Variants in EML1 observed in about 807,000 individuals in gnomAD.
The protein encoded by EML1 is echinoderm microtubule-associated protein-like 1.
Under a neutral mutation model 110.4 loss-of-function variants are expected in EML1, and 27 were observed. The ratio of observed to expected loss-of-function variants is 0.24; its 90% CI spans 0.18 to 0.34. The LOEUF (loss-of-function observed/expected upper bound fraction) is 0.34. Ranked by LOEUF, EML1 falls within the 10% of genes least tolerant of loss-of-function variation. The probability of loss-of-function intolerance (pLI) is 1.00; values close to 1 mark genes in which losing one functional copy is unlikely to be tolerated. For missense variants in EML1, 741 were observed against 1,030.9 expected (o/e 0.72, Z 3.85); for synonymous variants, 344 against 385.8 (o/e 0.89, Z 1.27).
At chr14:99,881,723 C>T (rs2059387524) in intron 4 of EML1, among the ~76,000 whole-genome samples, 1 of 151,866 alleles carries the variant, frequency 6.6e-6, no homozygotes, top group Non-Finnish European at 1.5e-5. Flanking sequence ...GCCTCAGCCT[C>T]CCGAGAAGCT....
At chr14:99,824,747 A>C (rs552324428) in intron 1 of EML1, among the ~76,000 whole-genome samples, 2 of 151,956 alleles carry the variant, frequency 1.3e-5, no homozygotes, top group Non-Finnish European at 2.9e-5. Flanking sequence ...AGTGAGCACA[A>C]TAGGCGATTT....
Position 99,787,541 on chromosome 14 carries a change from A to C in EML1, c.-27+13528A>C, listed in dbSNP as rs550086444. 2.0e-5 allele frequency among the ~76,000 whole-genome samples: 3 copies of C among 152,088 alleles called. No homozygotes were observed. The South Asian group carries it at 6.2e-4, about 32-fold the overall frequency. ...TGATCTGCCTGGCTTGGCCTCCCAA[A>C]GTGCTGGTATTCCAGGCGTGAGCCA... On this transcript the variant is annotated intron_variant, in intron 1 of 22. Coordinates refer to the EML1 transcript ENST00000327921.
Position 99,907,625 on chromosome 14 carries a change from A to G in EML1, c.1009-13A>G. On this transcript the variant is annotated splice_polypyrimidine_tract_variant and intron_variant, in intron 9 of 21. Coordinates refer to ENST00000262233, the MANE Select transcript of EML1 (RefSeq NM_004434.3). ...CTCAGATATAGTCTTCCTGTGAATA[A>G]CTTTCTTTTCAGAATGGAGGAACCA... The G allele has an allele frequency of 6.2e-7, 1 of 1,612,570 alleles. No homozygotes were observed. The highest frequency in any genetic ancestry group is 8.5e-7 in the Non-Finnish European group (1 of 1,178,992).
At chr14:99,746,915 G>A (rs868288037) in intron 1 of EML1, among the ~76,000 whole-genome samples, 23 of 152,116 alleles carry the variant, frequency 1.5e-4, no homozygotes, top group African/African-American at 3.4e-4. Flanking sequence ...AGCATCTGCC[G>A]CGCCCTGCCC....
intron 4 of EML1, among the ~76,000 whole-genome samples, chr14:99,882,427 A>G (rs2059400435): frequency 6.6e-6 from 1 of 152,224 alleles, no homozygotes; most frequent in Non-Finnish European, 1.5e-5. Flanking sequence ...TGTCAGCTCT[A>G]TAAGCAAGAC....
intron 16 of EML1, among the ~76,000 whole-genome samples, chr14:99,919,234 C>T (rs1208935612): frequency 6.6e-6 from 1 of 152,026 alleles, no homozygotes; most frequent in East Asian, 1.9e-4. Context: ...ATTTTTCCTC[C>T]CACCCTTCCT....
chr14:99,793,332 G>A (rs2057703796), upstream of EML1: 1 of 983,030 alleles, frequency 1.0e-6, no homozygotes. Flanking sequence ...CGGGCCCGGG[G>A]TTGCCATGGT....
At chr14:99,739,091 T>TGTGAGAGAGA (rs112232539) in intron 1 of EML1, among the ~76,000 whole-genome samples, 1 of 136,400 alleles carries the variant, frequency 7.3e-6, no homozygotes. Flanking sequence ...TGTGTGTGTG[T>TGTGAGAGAGA]GAGAGAGAGA....
At chr14:99,796,909 A>ATGTGTGTGTG (rs369237790) in intron 1 of EML1, among the ~76,000 whole-genome samples, 2 of 142,592 alleles carry the variant, frequency 1.4e-5, no homozygotes, top group African/African-American at 5.1e-5. Context: ...TTGTGTGTGT[A>ATGTGTGTGTG]TGTGTGTGTG....
chr14:99,800,469 C>G (rs2057854750), intron 1 of EML1, among the ~76,000 whole-genome samples: 1 of 152,018 alleles, frequency 6.6e-6, no homozygotes, highest in Non-Finnish European at 1.5e-5. Flanking sequence ...TCTAGCAATC[C>G]TCACACCTCA....
At chr14:99,934,337 A>G (rs2060429044) in intron 17 of EML1, among the ~76,000 whole-genome samples, 1 of 152,190 alleles carries the variant, frequency 6.6e-6, no homozygotes, top group Non-Finnish European at 1.5e-5. Flanking sequence ...TCAGCAAAAA[A>G]TATGTATTTG....
chr14:99,908,240 C>A (rs946910331), intron 10 of EML1, among the ~76,000 whole-genome samples: 1 of 152,236 alleles, frequency 6.6e-6, no homozygotes, highest in Non-Finnish European at 1.5e-5. Context: ...TCCTTCCCAA[C>A]AGGATTCCTC....
intron 17 of EML1, among the ~76,000 whole-genome samples, chr14:99,934,228 CAG>C (rs1372220524): frequency 3.3e-5 from 5 of 152,250 alleles, no homozygotes; most frequent in Admixed American, 6.5e-5. Flanking sequence ...GCATTGAGTG[CAG>C]AGACGGTTGG....
At chr14:99,754,590 T>C (rs1042289012) in intron 1 of EML1, among the ~76,000 whole-genome samples, 7 of 152,326 alleles carry the variant, frequency 4.6e-5, no homozygotes, top group Middle Eastern at 3.4e-3. Flanking sequence ...CAGCTGGAGA[T>C]AGAGGCGTGG....
intron 19 of EML1, 132 bp from the exon 20 acceptor site, chr14:99,937,685 C>A: frequency 1.4e-6 from 1 of 712,846 alleles, no homozygotes; most frequent in Non-Finnish European, 2.4e-6. Flanking sequence ...TCCTGCCCGA[C>A]TGGGAAGTGG....
chr14:99,795,510 A>C (rs148407225), intron 1 of EML1, among the ~76,000 whole-genome samples: 1 of 152,138 alleles, frequency 6.6e-6, no homozygotes, highest in Non-Finnish European at 1.5e-5. Flanking sequence ...AGAGTGGCCT[A>C]TGGGGCAGAA....
At chr14:99,783,780 G>A (rs575745717) in intron 1 of EML1, among the ~76,000 whole-genome samples, 1 of 152,300 alleles carries the variant, frequency 6.6e-6, no homozygotes, top group South Asian at 2.1e-4. Flanking sequence ...ACCACGTCTG[G>A]CCCCAAAGGG....
chr14:99,816,453 G>A (rs35690196), intron 1 of EML1, among the ~76,000 whole-genome samples: 60,260 of 152,152 alleles, frequency 0.4, 12,635 homozygotes, highest in South Asian at 0.57. Context: ...GTGAGCCACC[G>A]CACCCAGCCC....
intron 12 of EML1, 92 bp downstream of exon 12, chr14:99,910,433 G>A (rs530561265): frequency 7.8e-5 from 75 of 964,552 alleles, no homozygotes; most frequent in Non-Finnish European, 8.9e-5. Context: ...TTAATACAAC[G>A]TACAGGAGTA....
Sources: allele counts gnomAD v4.1 joint callset (sites outside exome capture counted in the v4.1 genomes callset), GRCh38; gene constraint gnomAD v4.1.1; transcripts MANE v1.5; gene names NCBI Gene and HGNC (gene_info 2026-07-23, HGNC 2026-07-21).